The following KCNH1 variants were observed in gnomAD, a reference collection of about 807,000 sequenced individuals.
KCNH1 encodes voltage-gated delayed rectifier potassium channel KCNH1.
A neutral mutation model predicts 69.2 loss-of-function variants in KCNH1; 27 were observed. That is an observed-to-expected ratio of 0.39 (90% CI 0.29 to 0.54). The LOEUF (loss-of-function observed/expected upper bound fraction) is 0.54, where lower values mean the gene tolerates loss of function less well. Among genes scored for constraint, KCNH1 ranks in the 20% least tolerant of loss-of-function variants. KCNH1 has a pLI of 0.68. For missense variants in KCNH1, 798 were observed against 1,261.6 expected, an observed-to-expected ratio of 0.63 and a Z score of 5.57; for synonymous variants, 456 against 487.7, an observed-to-expected ratio of 0.93 and a Z score of 0.86.
intron 7 of KCNH1, among the ~76,000 whole-genome samples, chr1:210,847,493 C>T (rs1463325055): frequency 6.6e-6 from 1 of 151,004 alleles, no homozygotes; most frequent in Non-Finnish European, 1.5e-5. Flanking sequence ...AAAAACCAAA[C>T]ACCGCATGTT....
At chr1:210,848,412 G>A (rs1437051953) in intron 7 of KCNH1, among the ~76,000 whole-genome samples, 1 of 152,148 alleles carries the variant, frequency 6.6e-6, no homozygotes, top group East Asian at 1.9e-4. Flanking sequence ...TGTGAGTTGA[G>A]TTCTGTCAAG....
intron 5 of KCNH1, among the ~76,000 whole-genome samples, chr1:211,033,987 A>C (rs1393397381): frequency 6.6e-6 from 1 of 152,214 alleles, no homozygotes; most frequent in Non-Finnish European, 1.5e-5. Flanking sequence ...TATTCTTAGT[A>C]GGAATGTAAA....
Position 210,825,275 on chromosome 1 carries a change from T to C in KCNH1, c.1463-21109A>G, listed in dbSNP as rs561383669. On this transcript the variant is annotated intron_variant, in intron 7 of 10. Coordinates refer to ENST00000271751, the MANE Select transcript of KCNH1 (RefSeq NM_172362.3). ...AATGCTTTTCCTTAAAACAACCTTG[T>C]ATTTCAATATGCAGAAGTGCTGGTC... Among the ~76,000 whole-genome samples the C allele has an allele frequency of 3.3e-5, 5 of 152,346 alleles. No individual in the cohort carries two copies. In the South Asian group the frequency reaches 1.0e-3, roughly 32 times the overall value.
chr1:210,773,453 C>G (rs1301545121), intron 10 of KCNH1, among the ~76,000 whole-genome samples: 1 of 152,202 alleles, frequency 6.6e-6, no homozygotes, highest in Non-Finnish European at 1.5e-5. Flanking sequence ...CCCTTGCCTT[C>G]TCAGGTCTCT....
At chr1:210,914,560 G>A (rs567029190) in intron 7 of KCNH1, among the ~76,000 whole-genome samples, 1 of 152,102 alleles carries the variant, frequency 6.6e-6, no homozygotes. Flanking sequence ...AGCAGTGAAC[G>A]TAAGTACTGT....
At chr1:210,961,577 G>A (rs955364097) in intron 6 of KCNH1, among the ~76,000 whole-genome samples, 6 of 151,910 alleles carry the variant, frequency 3.9e-5, no homozygotes, top group South Asian at 2.1e-4. Context: ...ACAGTGGCTC[G>A]AGCCTGTAAT....
intron 7 of KCNH1, among the ~76,000 whole-genome samples, chr1:210,886,959 T>C (rs1034589275): frequency 1.3e-5 from 2 of 152,132 alleles, no homozygotes; most frequent in African/African-American, 4.8e-5. Flanking sequence ...TGGAACCAAG[T>C]TGGAAAACAC....
At chr1:210,693,875 T>C (rs1681579748) in intron 10 of KCNH1, among the ~76,000 whole-genome samples, 1 of 152,172 alleles carries the variant, frequency 6.6e-6, no homozygotes, top group African/African-American at 2.4e-5. Flanking sequence ...TACAGGGCTT[T>C]GGCCCCTAAT....
At chr1:211,103,434 G>A (rs979334481) in intron 3 of KCNH1, 62 bp downstream of exon 3, 1 of 1,045,526 alleles carries the variant, frequency 9.6e-7, no homozygotes, top group Non-Finnish European at 1.4e-6. Context: ...AACAGAGGAA[G>A]AGGAGATATT....
At chr1:210,780,977 A>G (rs1683967841) in intron 9 of KCNH1, among the ~76,000 whole-genome samples, 2 of 151,956 alleles carry the variant, frequency 1.3e-5, no homozygotes, top group African/African-American at 4.8e-5. Flanking sequence ...AACCCGGGAG[A>G]TGGAGCTTGC....
intron 5 of KCNH1, among the ~76,000 whole-genome samples, chr1:211,035,998 G>T (rs187310019): frequency 6.6e-6 from 1 of 152,308 alleles, no homozygotes; most frequent in East Asian, 1.9e-4. Flanking sequence ...CTTGGTCTAG[G>T]TTCCACTGCT....
chr1:210,832,612 C>CA (rs938003615), intron 7 of KCNH1, among the ~76,000 whole-genome samples: 8 of 151,434 alleles, frequency 5.3e-5, no homozygotes, highest in African/African-American at 9.7e-5. Context: ...AAGGTAACCT[C>CA]AAAAAAAAGT....
intron 6 of KCNH1, among the ~76,000 whole-genome samples, chr1:210,964,687 T>C (rs963798621): frequency 2.6e-5 from 4 of 152,184 alleles, no homozygotes; most frequent in Admixed American, 6.6e-5. Context: ...GAGGAGCTGG[T>C]ACCATTCCTT....
chr1:210,696,459 T>A (rs576697992), intron 10 of KCNH1, among the ~76,000 whole-genome samples: 2 of 152,314 alleles, frequency 1.3e-5, no homozygotes, highest in African/African-American at 4.8e-5. Flanking sequence ...AGTTTCAGTT[T>A]CTGTTTTCCT....
chr1:210,744,521 G>A (rs1683103573), intron 10 of KCNH1, among the ~76,000 whole-genome samples: 1 of 152,150 alleles, frequency 6.6e-6, no homozygotes, highest in Non-Finnish European at 1.5e-5. Context: ...GTGTGTGCCT[G>A]TAGTCCCAGC....
chr1:210,717,769 A>T (rs1682296340), intron 10 of KCNH1, among the ~76,000 whole-genome samples: 1 of 152,198 alleles, frequency 6.6e-6, no homozygotes, highest in Non-Finnish European at 1.5e-5. Context: ...TGTGAGCCAC[A>T]TATGTGAATT....
chr1:211,063,506 CAAG>C (rs1690470637), intron 5 of KCNH1: 1 of 152,272 alleles, frequency 6.6e-6, no homozygotes, highest in Admixed American at 6.6e-5. Flanking sequence ...TTTGAGAGGC[CAAG>C]GTGAGCAGAT....
At chr1:210,949,083 T>C (rs898959959) in intron 6 of KCNH1, among the ~76,000 whole-genome samples, 4 of 152,182 alleles carry the variant, frequency 2.6e-5, no homozygotes, top group Admixed American at 6.5e-5. Context: ...TAGAGTGATA[T>C]GTAATGAACA....
At chr1:210,741,049 A>G (rs1166879875) in intron 10 of KCNH1, among the ~76,000 whole-genome samples, 1 of 152,190 alleles carries the variant, frequency 6.6e-6, no homozygotes, top group East Asian at 1.9e-4. Context: ...AAAGGACTAA[A>G]TATCTTCCAC....
Sources: gnomAD v4.1 joint callset for allele counts (sites outside exome capture counted in the v4.1 genomes callset) on GRCh38, gnomAD v4.1.1 for gene constraint, MANE v1.5 for transcripts, NCBI Gene and HGNC (gene_info 2026-07-23, HGNC 2026-07-21) for gene names.